MZT2A: variants seen among roughly 807,000 people sequenced by gnomAD.
MZT2A encodes mitotic-spindle organizing protein 2A.
MZT2A carries 8 observed loss-of-function variants against 12.4 expected under a neutral mutation model. The observed-to-expected ratio is 0.64, with a 90% CI of 0.38 to 1.16. The LOEUF is 1.16. Among genes scored for constraint, MZT2A ranks in the 50% most tolerant of loss-of-function variants. MZT2A has a pLI of 0.01. For missense variants in MZT2A, 181 were observed against 223.6 expected (o/e 0.81, Z 1.22); for synonymous variants, 88 against 107.5 (o/e 0.82, Z 1.12).
At chr2:131,491,094 C>G in intron 2 of MZT2A, 1 of 787,986 alleles carries the variant, frequency 1.3e-6, no homozygotes, top group Non-Finnish European at 2.1e-6. Context: ...GGAGCCAGCT[C>G]TGGGCCTCCT....
intron 2 of MZT2A, chr2:131,491,584 T>C (rs1679307931): frequency 1.9e-6 from 1 of 539,466 alleles, no homozygotes; most frequent in Non-Finnish European, 3.2e-6. Context: ...TTCCCGACTT[T>C]GTAGGATGAA....
chr2:131,480,012 G>A, downstream of MZT2A: 1 of 1,522,828 alleles, frequency 6.6e-7, no homozygotes, highest in Non-Finnish European at 8.8e-7. Flanking sequence ...CTGGCTTGTT[G>A]GAGGTTGGTG....
At chr2:131,480,647 G>A, downstream of MZT2A, 1 of 1,613,812 alleles carries the variant, frequency 6.2e-7, no homozygotes, top group Non-Finnish European at 8.5e-7. Context: ...GCTGCATGTT[G>A]TACAGGGGGG....
At chr2:131,488,429 G>A (rs1317172053) in intron 2 of MZT2A, among the ~76,000 whole-genome samples, 3 of 152,158 alleles carry the variant, frequency 2.0e-5, no homozygotes, top group Non-Finnish European at 4.4e-5. Flanking sequence ...AGGACCCAGG[G>A]TGCCTGCTGC....
At chr2:131,492,804 C>G (rs1461967167), upstream of MZT2A, 3 of 1,420,740 alleles carry the variant, frequency 2.1e-6, no homozygotes, top group Non-Finnish European at 2.8e-6. Context: ...GGGCACTAAT[C>G]AACAACCCTG....
At chr2:131,472,459 C>T (rs10197235) in intron 2 of MZT2A, among the ~76,000 whole-genome samples, 25,835 of 152,036 alleles carry the variant, frequency 0.17, 3,979 homozygotes, top group African/African-American at 0.41. Flanking sequence ...TAGTTTGTTG[C>T]TAATTTTCTA....
intron 2 of MZT2A, among the ~76,000 whole-genome samples, chr2:131,474,790 T>C (rs1678597924): frequency 6.6e-6 from 1 of 151,274 alleles, no homozygotes; most frequent in Admixed American, 6.6e-5. Context: ...AGGTCAGGAG[T>C]TCAAGACTAG....
downstream of MZT2A, chr2:131,479,933 AG>A (rs1678796326): frequency 7.5e-7 from 1 of 1,325,348 alleles, no homozygotes. Flanking sequence ...TTTGCTTCAA[AG>A]TGTACTGCAT....
chr2:131,477,490 C>G (rs1166427338), intron 2 of MZT2A, among the ~76,000 whole-genome samples: 1 of 151,960 alleles, frequency 6.6e-6, no homozygotes, highest in Non-Finnish European at 1.5e-5. Context: ...AAAAGTGTGG[C>G]CTTGAGAGGG....
chr2:131,483,487 A>G (rs1678928151), downstream of MZT2A, among the ~76,000 whole-genome samples: 1 of 152,102 alleles, frequency 6.6e-6, no homozygotes, highest in African/African-American at 2.4e-5. Flanking sequence ...GTCTTGGTAG[A>G]AAACCTCCCA....
intron 2 of MZT2A, chr2:131,490,720 A>G (rs1377939481): frequency 6.5e-7 from 1 of 1,549,612 alleles, no homozygotes; most frequent in Non-Finnish European, 8.7e-7. Flanking sequence ...AACCTGCAAA[A>G]GGAGAGAACA....
chr2:131,491,967 G>C lies in MZT2A; in HGVS notation c.228C>G (p.Leu76=), dbSNP rs375956094. The C allele has an allele frequency of 1.9e-3, 3,006 of 1,549,656 alleles. 46 individuals carry two copies. The African/African-American group carries it at 0.035, about 18-fold the overall frequency. ...NVAPLAVFQM[L]KSMCAGQRLA... is the part of the protein sequence containing the mutation. Reference sequence around the variant, plus strand: ...GCCTCTGCCCGGCACACATGGACTTGAGCATCTGGAAGACGGCGAGGGGGG... The same window carrying C: ...GCCTCTGCCCGGCACACATGGACTTCAGCATCTGGAAGACGGCGAGGGGGG... Residue 76 remains leucine (L), a synonymous_variant, in exon 2 of 3, where the codon CTC becomes CTG. Transcript: ENST00000309451.
downstream of MZT2A, among the ~76,000 whole-genome samples, chr2:131,482,154 G>T (rs1678886144): frequency 6.6e-6 from 1 of 152,228 alleles, no homozygotes. Flanking sequence ...GATGTTCCTT[G>T]TGATAGCATG....
At chr2:131,485,147 G>A (rs1679005009) in intron 2 of MZT2A, among the ~76,000 whole-genome samples, 1 of 152,126 alleles carries the variant, frequency 6.6e-6, no homozygotes, top group Admixed American at 6.5e-5. Flanking sequence ...TGGCCTGGTG[G>A]GGTCTGACCC....
chr2:131,492,858 C>T (rs1679404471), upstream of MZT2A: 5 of 1,490,252 alleles, frequency 3.4e-6, no homozygotes, highest in Non-Finnish European at 3.6e-6. Context: ...AGTGCGTGAG[C>T]CCTACCTTGG....
At chr2:131,479,939 C>T (rs1436782589), downstream of MZT2A, 20 of 1,342,426 alleles carry the variant, frequency 1.5e-5, no homozygotes, top group South Asian at 1.4e-4. Context: ...TCAAAGTGTA[C>T]TGCATGTTTA....
intron 2 of MZT2A, chr2:131,490,660 C>T: frequency 6.5e-7 from 1 of 1,549,220 alleles, no homozygotes; most frequent in Non-Finnish European, 8.7e-7. Flanking sequence ...CATGCAGTTT[C>T]CATGAAAACA....
At chr2:131,482,805 T>A (rs1678906458), downstream of MZT2A, 1 of 1,613,940 alleles carries the variant, frequency 6.2e-7, no homozygotes, top group East Asian at 2.2e-5. Flanking sequence ...GAGGTGGGCG[T>A]GGATTCCGTG....
chr2:131,471,727 C>G (rs1421535572), intron 3 of MZT2A, among the ~76,000 whole-genome samples: 1 of 151,124 alleles, frequency 6.6e-6, no homozygotes, highest in Non-Finnish European at 1.5e-5. Context: ...CTCTGGACAT[C>G]GTTCCTCATT....
Sources: allele counts gnomAD v4.1 joint callset (sites outside exome capture counted in the v4.1 genomes callset), GRCh38; gene constraint gnomAD v4.1.1; transcripts MANE v1.5; gene names NCBI Gene and HGNC (gene_info 2026-07-23, HGNC 2026-07-21).